The following CHL1 variants were observed in gnomAD, a reference collection of about 807,000 sequenced individuals.
CHL1 encodes cell adhesion molecule L1 like.
In CHL1, 96 loss-of-function variants were observed where a neutral mutation model predicts 141.9. The observed-to-expected ratio is 0.68, with a 90% CI of 0.57 to 0.80. The LOEUF (loss-of-function observed/expected upper bound fraction) is 0.80. CHL1 is among the 30% of genes least tolerant of loss of function. The probability of loss-of-function intolerance (pLI) is 0.00; values close to 1 mark genes in which losing one functional copy is unlikely to be tolerated. For synonymous variants in CHL1, 613 were observed against 502.2 expected, an observed-to-expected ratio of 1.22 and a Z score of -2.95; for missense variants, 1,820 against 1,457.2, an observed-to-expected ratio of 1.25 and a Z score of -4.05.
rs921097539 is a variant in CHL1 at position 407,625 on chromosome 3, G to A, written c.*1914G>A. 6.6e-6 allele frequency: 1 copy of A among 152,078 alleles called. No individual in the cohort carries two copies. Among genetic ancestry groups the A allele is most frequent in the African/African-American group, 2.4e-5 (1 of 41,414 alleles). The allele number at this position is 152,078 out of a possible 1,614,324, so 9.4% of individuals were successfully genotyped here. ...TCATCATGTTTTGATTTATCTGGGA[G>A]AAAACTGTGGTGCACAGCTTGTGAG... On this transcript the variant is annotated 3_prime_UTR_variant, in exon 28 of 28. Transcript: ENST00000256509.
At chr3:276,226 A>C (rs553392544) in intron 2 of CHL1, among the ~76,000 whole-genome samples, 1 of 152,218 alleles carries the variant, frequency 6.6e-6, no homozygotes, top group Admixed American at 6.5e-5. Flanking sequence ...TATTAAAAGT[A>C]TTATATTGCA....
chr3:361,526 A>G lies in CHL1; in HGVS notation c.1307-173A>G, dbSNP rs141667351. Among the ~76,000 whole-genome samples, 330 of 152,310 alleles carry G rather than the reference A, an allele frequency of 2.2e-3. 1 individual carries two copies. Among genetic ancestry groups the G allele is most frequent in the African/African-American group, 7.5e-3 (312 of 41,582 alleles). On this transcript the variant is annotated intron_variant, in intron 12 of 27. Transcript: ENST00000256509. ...CAATGAACTCAAACAAATTTACAAGAAATTGTACTTTCAAAAATGTATTGA... is the reference window on the plus strand; with the variant it reads ...CAATGAACTCAAACAAATTTACAAGGAATTGTACTTTCAAAAATGTATTGA...
chr3:345,630 T>C lies in CHL1; in HGVS notation c.848+921T>C, dbSNP rs1185901309. ...TCCTGAGTAGCTGAAGCTACAGGTG[T>C]GTGCCACCACACCTGGCCAGTTTTT... On this transcript the variant is annotated intron_variant, in intron 9 of 27. Coordinates refer to ENST00000256509, the MANE Select transcript of CHL1 (RefSeq NM_006614.4). 5.3e-5 allele frequency among the ~76,000 whole-genome samples: 8 copies of C among 152,026 alleles called. No individual in the cohort carries two copies. The East Asian group carries it at 9.7e-4, about 18-fold the overall frequency.
intron 2 of CHL1, among the ~76,000 whole-genome samples, chr3:252,923 T>C (rs1693833727): frequency 6.6e-6 from 1 of 152,104 alleles, no homozygotes; most frequent in Non-Finnish European, 1.5e-5. Context: ...ATTAAGGTAA[T>C]TAAATAATTA....
Position 272,620 on chromosome 3 carries a change from A to G in CHL1, c.-95+27928A>G, listed in dbSNP as rs75142073. ...AAAGGGAATTTTAGATCTTACAATT[A>G]GAAATACCGTAGAGTTGTTCACATT... is the stretch of plus-strand genomic sequence containing the variant. On this transcript the variant is annotated intron_variant, in intron 2 of 27. Transcript: ENST00000256509. 4.1e-3 allele frequency among the ~76,000 whole-genome samples: 631 copies of G among 152,354 alleles called. 11 individuals are homozygous for G. The highest frequency in any genetic ancestry group is 0.023 in the South Asian group (110 of 4,834).
chr3:344,135 C>G (rs748338583), intron 8 of CHL1, among the ~76,000 whole-genome samples: 2 of 152,112 alleles, frequency 1.3e-5, no homozygotes, highest in Non-Finnish European at 2.9e-5. Flanking sequence ...TAGTGTCTAC[C>G]ACAGCCTTCC....
At chr3:226,808 G>T (rs1165665579) in intron 1 of CHL1, among the ~76,000 whole-genome samples, 1 of 152,078 alleles carries the variant, frequency 6.6e-6, no homozygotes, top group Non-Finnish European at 1.5e-5. Flanking sequence ...TCTCCAAAAT[G>T]TTGCCTTTCT....
intron 2 of CHL1, among the ~76,000 whole-genome samples, chr3:264,382 T>A (rs537887649): frequency 2.6e-5 from 4 of 152,270 alleles, no homozygotes; most frequent in African/African-American, 9.6e-5. Flanking sequence ...AGTATGTAGT[T>A]TTTTTTAATA....
intron 15 of CHL1, among the ~76,000 whole-genome samples, chr3:370,917 G>T (rs563439133): frequency 6.6e-6 from 1 of 152,160 alleles, no homozygotes; most frequent in Non-Finnish European, 1.5e-5. Flanking sequence ...GTGGTTTTGC[G>T]TGAGTTTCTT....
intron 24 of CHL1, among the ~76,000 whole-genome samples, chr3:396,698 T>C (rs1708701641): frequency 6.6e-6 from 1 of 152,174 alleles, no homozygotes; most frequent in Admixed American, 6.5e-5. Context: ...TACTGGTGTG[T>C]TTGTGCTCTT....
At chr3:360,250 C>A (rs777190539) in intron 11 of CHL1, 34 bp from the exon 12 acceptor site, 2 of 1,609,710 alleles carry the variant, frequency 1.2e-6, no homozygotes, top group African/African-American at 2.7e-5. Context: ...ATGTCCTGTT[C>A]CTTATCAAAC....
chr3:405,536 T>C lies in CHL1; in HGVS notation c.3500T>C (p.Leu1167Pro), dbSNP rs1416348135. The C allele has an allele frequency of 6.2e-7, 1 of 1,613,412 alleles. No individual in the cohort carries two copies. The highest frequency in any genetic ancestry group is 8.5e-7 in the Non-Finnish European group (1 of 1,179,460). The change falls in exon 28 of 28, where the codon CTT becomes CCT. Residue 1167 changes from leucine (L) to proline (P), a missense_variant. Coordinates refer to ENST00000256509, the MANE Select transcript of CHL1 (RefSeq NM_006614.4). ...EKPLKGSLRSLNRDMQPTESA... is the reference protein window; with the variant it reads ...EKPLKGSLRSPNRDMQPTESA... ...CCTCTCAAAGGAAGCCTTCGGTCCC[T>C]TAATAGGGATATGCAGCCTACTGAA... is the stretch of plus-strand genomic sequence containing the variant.
chr3:390,474 C>G (rs942351651), intron 20 of CHL1, among the ~76,000 whole-genome samples: 1 of 152,182 alleles, frequency 6.6e-6, no homozygotes, highest in Non-Finnish European at 1.5e-5. Context: ...CACATTGTAT[C>G]TATCTGGAGG....
chr3:258,517 A>C (rs956880792), intron 2 of CHL1, among the ~76,000 whole-genome samples: 7 of 152,220 alleles, frequency 4.6e-5, no homozygotes, highest in Non-Finnish European at 1.0e-4. Flanking sequence ...GGAAATTAAA[A>C]TCGAAACCCT....
At chr3:260,156 C>A (rs1041227687) in intron 2 of CHL1, among the ~76,000 whole-genome samples, 4 of 151,978 alleles carry the variant, frequency 2.6e-5, no homozygotes, top group African/African-American at 9.7e-5. Flanking sequence ...GCCAGTTACT[C>A]AGGAGGCTGA....
At chr3:214,547 C>G (rs1219214149) in intron 1 of CHL1, among the ~76,000 whole-genome samples, 1 of 152,082 alleles carries the variant, frequency 6.6e-6, no homozygotes, top group Non-Finnish European at 1.5e-5. Context: ...AAATAATTGA[C>G]TTGACTTGTT....
chr3:267,288 T>C (rs950858138), intron 2 of CHL1, among the ~76,000 whole-genome samples: 14 of 152,322 alleles, frequency 9.2e-5, no homozygotes, highest in African/African-American at 3.1e-4. Flanking sequence ...ATTTCCCTGG[T>C]GACCTGTGGG....
At chr3:405,463 TG>T in intron 27 of CHL1, 31 bp from the exon 28 acceptor site, 1 of 1,378,488 alleles carries the variant, frequency 7.3e-7, no homozygotes, top group Non-Finnish European at 1.0e-6. Context: ...TATTAGATTT[TG>T]TTGAGCTATT....
intron 12 of CHL1, among the ~76,000 whole-genome samples, chr3:361,053 C>T (rs968128978): frequency 2.0e-5 from 3 of 151,896 alleles, no homozygotes; most frequent in Non-Finnish European, 2.9e-5. Context: ...AAAAAACATA[C>T]GTGTGCAGGT....
Sources: gnomAD v4.1 joint callset for allele counts (sites outside exome capture counted in the v4.1 genomes callset) on GRCh38, gnomAD v4.1.1 for gene constraint, MANE v1.5 for transcripts, NCBI Gene and HGNC (gene_info 2026-07-23, HGNC 2026-07-21) for gene names.